The following STAT1 variants were observed in gnomAD, a reference collection of about 807,000 sequenced individuals.
STAT1 encodes signal transducer and activator of transcription 1.
In STAT1, 24 loss-of-function variants were observed where a neutral mutation model predicts 111.7. That is an observed-to-expected ratio of 0.21 (90% CI 0.16 to 0.30). STAT1 has a LOEUF of 0.30. STAT1 is among the 10% of genes least tolerant of loss of function. STAT1 has a pLI of 1.00. For synonymous variants in STAT1, 332 were observed against 326.5 expected (o/e 1.02, Z -0.18); for missense variants, 351 against 911.9 (o/e 0.38, Z 7.92).
chr2:191,008,833 A>G, intron 4 of STAT1, 130 bp downstream of exon 4: 1 of 933,664 alleles, frequency 1.1e-6, no homozygotes, highest in African/African-American at 1.7e-5. Context: ...TAGAAAACAT[A>G]AATGGAGTTA....
Position 191,012,766 on chromosome 2 carries a change from T to G in STAT1, c.-2+759A>C, listed in dbSNP as rs760073344. On this transcript the variant is annotated intron_variant, in intron 2 of 24. Transcript: ENST00000361099. The surrounding 1 kb of genome is among the most constrained non-coding windows in gnomAD (Gnocchi z 4.0). ...ACCAAATCATTTACTGTTTTTCAAC[T>G]GTGCCCAACATTTCTGCTTTGCTCC... Among the ~76,000 whole-genome samples, 3 of 152,268 alleles carry G rather than the reference T, an allele frequency of 2.0e-5. No homozygotes were observed. The highest frequency in any genetic ancestry group is 1.3e-4 in the Admixed American group (2 of 15,292).
In STAT1 at chr2:190,982,666, T is replaced by C. The variant is rs1250151390; in HGVS notation, c.1447-148A>G. ...AGTAGGGGAAGAGAAATACAGTCAATTTTCATTATTTACAGATGCACATTT... is the reference window on the plus strand; with the variant it reads ...AGTAGGGGAAGAGAAATACAGTCAACTTTCATTATTTACAGATGCACATTT... On this transcript the variant is annotated intron_variant, in intron 17 of 24. Coordinates refer to ENST00000361099, the MANE Select transcript of STAT1 (RefSeq NM_007315.4). This position sits in a 1 kb window ranked among gnomAD's most constrained non-coding sequence, Gnocchi z 7.3. 3.5e-6 allele frequency: 3 copies of C among 855,590 alleles called. No individual in the cohort carries two copies. The highest frequency in any genetic ancestry group is 5.6e-6 in the Non-Finnish European group (3 of 534,382). The allele number at this position is 855,590 out of a possible 1,614,324, so 53.0% of individuals were successfully genotyped here.
At position 190,984,177 on chromosome 2, in the gene STAT1, T is replaced by C. The variant is rs1692602452; in HGVS notation, c.1347+133A>G. The C allele has an allele frequency of 1.3e-6, 1 of 756,538 alleles. No individual in the cohort carries two copies. The highest frequency in any genetic ancestry group is 2.3e-6 in the Non-Finnish European group (1 of 439,234). 46.9% of individuals were successfully genotyped at this position (756,538 alleles called of 1,614,324 possible). ...GGACCATAAATTAAGGTTAAGATAG[T>C]ATTAGCTGAAAAAGATCATTTTAAA... On this transcript the variant is annotated intron_variant, in intron 16 of 24. Coordinates refer to ENST00000361099, the MANE Select transcript of STAT1 (RefSeq NM_007315.4). The surrounding 1 kb of genome is among the most constrained non-coding windows in gnomAD (Gnocchi z 5.2).
chr2:190,976,759 G>T lies in STAT1; in HGVS notation c.2059+81C>A. 2.4e-6 allele frequency: 3 copies of T among 1,260,780 alleles called. No individual in the cohort carries two copies. The highest frequency in any genetic ancestry group is 1.5e-5 in the African/African-American group (1 of 68,044). 78.1% of individuals were successfully genotyped at this position (1,260,780 alleles called of 1,614,324 possible). ...CTTACCAATTCGAAAGCAAAACACT[G>T]CATGGGTGGAGTTTCAGAATAATCA... On this transcript the variant is annotated intron_variant, in intron 22 of 24. Transcript: ENST00000361099. The surrounding 1 kb of genome is among the most constrained non-coding windows in gnomAD (Gnocchi z 6.0).
chr2:190,975,444 A>G lies in STAT1; in HGVS notation c.2135+368T>C. ...CCAAAATTTTTTCTACCTTTTATAA[A>G]ATGAAACAACAAAATCAAAGCAAGT... On this transcript the variant is annotated intron_variant, in intron 23 of 24. Transcript: ENST00000361099. The surrounding 1 kb of genome is among the most constrained non-coding windows in gnomAD (Gnocchi z 5.9). 1 of 873,250 alleles carries G rather than the reference A, an allele frequency of 1.1e-6. No homozygotes were observed. The allele number at this position is 873,250 out of a possible 1,614,324, so 54.1% of individuals were successfully genotyped here.
rs1691502961 is a variant in STAT1 at position 190,971,859 on chromosome 2, C to T, written c.2239-1142G>A. Among the ~76,000 whole-genome samples, 1 of 152,106 alleles carries T rather than the reference C, an allele frequency of 6.6e-6. No homozygotes were observed. Among genetic ancestry groups the T allele is most frequent in the East Asian group, 1.9e-4 (1 of 5,176 alleles). ...CCCCTAGTAGCTGGGATTACAGGCA[C>T]ACACCACCATGGCTGGCTAATTTTT... is the stretch of plus-strand genomic sequence containing the variant. On this transcript the variant is annotated intron_variant, in intron 24 of 24. Transcript: ENST00000361099. This position sits in a 1 kb window ranked among gnomAD's most constrained non-coding sequence, Gnocchi z 4.1.
In STAT1 at chr2:190,975,724, G is replaced by A; in HGVS notation, c.2135+88C>T. 3 of 1,579,328 alleles carry A rather than the reference G, an allele frequency of 1.9e-6. No homozygotes were observed. In the South Asian group the frequency reaches 3.4e-5, roughly 18 times the overall value. ...TGGCGATAGCAATTACAATGGAAAAGTAAAATACAAGCATCTTCAACAGGC... is the reference window on the plus strand; with the variant it reads ...TGGCGATAGCAATTACAATGGAAAAATAAAATACAAGCATCTTCAACAGGC... On this transcript the variant is annotated intron_variant, in intron 23 of 24. Transcript: ENST00000361099. This position sits in a 1 kb window ranked among gnomAD's most constrained non-coding sequence, Gnocchi z 5.9.
chr2:190,983,176 G>A lies in STAT1; in HGVS notation c.1446+466C>T, dbSNP rs984038744. Among the ~76,000 whole-genome samples, 7 of 152,134 alleles carry A rather than the reference G, an allele frequency of 4.6e-5. No individual in the cohort carries two copies. Among genetic ancestry groups the A allele is most frequent in the African/African-American group, 1.2e-4 (5 of 41,428 alleles). ...ACATAAACAATGTTATGCATTGATG[G>A]GTTGACAAAAATGTTGTGACCAGAG... On this transcript the variant is annotated intron_variant, in intron 17 of 24. Coordinates refer to ENST00000361099, the MANE Select transcript of STAT1 (RefSeq NM_007315.4). The surrounding 1 kb of genome is among the most constrained non-coding windows in gnomAD (Gnocchi z 5.7).
rs1299653585 is a variant in STAT1, at chr2:190,989,999, T to C, written c.1038-325A>G. On this transcript the variant is annotated intron_variant, in intron 11 of 24. Transcript: ENST00000361099. This position sits in a 1 kb window ranked among gnomAD's most constrained non-coding sequence, Gnocchi z 5.0. ...GCCAATATTCAGTTTCATCACAATT[T>C]CGACCTTTGGCCAATTTATATGGGT... Among the ~76,000 whole-genome samples the C allele has an allele frequency of 1.3e-5, 2 of 152,244 alleles. No individual in the cohort carries two copies. Among genetic ancestry groups the C allele is most frequent in the African/African-American group, 4.8e-5 (2 of 41,474 alleles).
In STAT1 at chr2:190,975,935, C is replaced by G; in HGVS notation, c.2060-48G>C. ...CGCTTTCCATCAACCGAAATTCCAT[C>G]AGAATACAACATCAACTTTTCGGGG... On this transcript the variant is annotated intron_variant, in intron 22 of 24. Coordinates refer to ENST00000361099, the MANE Select transcript of STAT1 (RefSeq NM_007315.4). This position sits in a 1 kb window ranked among gnomAD's most constrained non-coding sequence, Gnocchi z 5.9. 1 of 1,485,240 alleles carries G rather than the reference C, an allele frequency of 6.7e-7. No homozygotes were observed. Among genetic ancestry groups the G allele is most frequent in the South Asian group, 1.1e-5 (1 of 88,052 alleles). 92.0% of individuals were successfully genotyped at this position (1,485,240 alleles called of 1,614,324 possible).
rs1284806923 is a variant in STAT1, at chr2:190,997,849, A to AGT, written c.785+6_785+7insAC. 25 of 1,614,054 alleles carry AGT rather than the reference A, an allele frequency of 1.5e-5. No homozygotes were observed. Among genetic ancestry groups the AGT allele is most frequent in the Non-Finnish European group, 1.6e-5 (19 of 1,180,040 alleles). On this transcript the variant is annotated splice_region_variant and intron_variant, in intron 9 of 24. Coordinates refer to ENST00000361099, the MANE Select transcript of STAT1 (RefSeq NM_007315.4). This position sits in a 1 kb window ranked among gnomAD's most constrained non-coding sequence, Gnocchi z 7.3. ...AGCTGCCAGTTTTCTGCTTTGGAGAATCTTACCAGTTCTGCAGCTGATCCA... is the reference window on the plus strand; with the variant it reads ...AGCTGCCAGTTTTCTGCTTTGGAGAAGTTCTTACCAGTTCTGCAGCTGATCCA...
In STAT1 at chr2:190,978,784, C is replaced by A; in HGVS notation, c.1873+72G>T. 1 of 1,581,130 alleles carries A rather than the reference C, an allele frequency of 6.3e-7. No homozygotes were observed. The highest frequency in any genetic ancestry group is 1.1e-5 in the South Asian group (1 of 87,440). On this transcript the variant is annotated intron_variant, in intron 21 of 24. Transcript: ENST00000361099. The surrounding 1 kb of genome is among the most constrained non-coding windows in gnomAD (Gnocchi z 6.1). ...GTCCCAAACGCACTATCTGTATGAGCTGACTGGCGGCGATGAAGAGGGACT... is the reference window on the plus strand; with the variant it reads ...GTCCCAAACGCACTATCTGTATGAGATGACTGGCGGCGATGAAGAGGGACT...
intron 11 of STAT1, among the ~76,000 whole-genome samples, 177 bp downstream of exon 11, chr2:190,991,051 C>A (rs976174214): frequency 1.3e-5 from 2 of 152,156 alleles, no homozygotes; most frequent in African/African-American, 4.8e-5. Context: ...AGTTACATTT[C>A]TACTATGAAT....
chr2:190,997,366 CT>C lies in STAT1; in HGVS notation c.785+489del, dbSNP rs1693934427. 6.6e-6 allele frequency among the ~76,000 whole-genome samples: 1 copy of C among 152,220 alleles called. No individual in the cohort carries two copies. The highest frequency in any genetic ancestry group is 2.4e-5 in the African/African-American group (1 of 41,458). ...ATTATTACCATGTCTACATCCCCCCCTCCACACTGAGAACTCCTTGTTGGCA... is the reference window on the plus strand; with the variant it reads ...ATTATTACCATGTCTACATCCCCCCCCCACACTGAGAACTCCTTGTTGGCA... On this transcript the variant is annotated intron_variant, in intron 9 of 24. Coordinates refer to ENST00000361099, the MANE Select transcript of STAT1 (RefSeq NM_007315.4). The surrounding 1 kb of genome is among the most constrained non-coding windows in gnomAD (Gnocchi z 7.3).
chr2:191,008,733 A>G (rs1694897342), intron 4 of STAT1, among the ~76,000 whole-genome samples: 1 of 152,234 alleles, frequency 6.6e-6, no homozygotes, highest in Non-Finnish European at 1.5e-5. Flanking sequence ...CTGATACCTA[A>G]GAGGTGATAC....
rs1045025459 is a variant in STAT1, at chr2:190,995,966, C to A, written c.786-747G>T. ...AGGTGATGCAAGAGGCAGCAAAGAG[C>A]CACTGCAGGTTCTGTCAAGAGAGTG... On this transcript the variant is annotated intron_variant, in intron 9 of 24. Transcript: ENST00000361099. The surrounding 1 kb of genome is among the most constrained non-coding windows in gnomAD (Gnocchi z 4.2). 6.6e-6 allele frequency among the ~76,000 whole-genome samples: 1 copy of A among 152,102 alleles called. No homozygotes were observed. Among genetic ancestry groups the A allele is most frequent in the African/African-American group, 2.4e-5 (1 of 41,418 alleles).
rs755608463 is a variant in STAT1 at position 190,986,869 on chromosome 2, A to G, written c.1206T>C (p.Ala402=). 3.1e-6 allele frequency: 5 copies of G among 1,614,224 alleles called. No individual in the cohort carries two copies. Among genetic ancestry groups the G allele is most frequent in the Non-Finnish European group, 2.5e-6 (3 of 1,180,036 alleles). ...ATGTCCCTACCAGGTGCCGAAATTC[A>G]GCCGCCAGACTGCCATTGGTGGACT... is the stretch of plus-strand genomic sequence containing the variant. The part of the protein sequence containing the change: ...MEESTNGSLA[A]EFRHLQLKEQ... Residue 402 remains alanine (A), a synonymous_variant, in exon 14 of 25, where the codon GCT becomes GCC. Coordinates refer to ENST00000361099, the MANE Select transcript of STAT1 (RefSeq NM_007315.4). The surrounding 1 kb of genome is among the most constrained non-coding windows in gnomAD (Gnocchi z 5.0).
In STAT1 at chr2:190,993,429, C is replaced by A. The variant is rs45521534; in HGVS notation, c.944+1632G>T. 5.4e-5 allele frequency: 76 copies of A among 1,408,434 alleles called. 1 individual carries two copies. The Admixed American group carries it at 1.4e-3, about 27-fold the overall frequency. The allele number at this position is 1,408,434 out of a possible 1,614,324, so 87.2% of individuals were successfully genotyped here. A position where few individuals can be genotyped will look rare whatever the true frequency, so the allele number is the denominator to read the frequency against. ...AACTCTATAGTTCTTATTTTGAAAT[C>A]CATACCAATTGTGCTGATGTAGCTT... On this transcript the variant is annotated intron_variant, in intron 10 of 24. Coordinates refer to ENST00000361099, the MANE Select transcript of STAT1 (RefSeq NM_007315.4). The surrounding 1 kb of genome is among the most constrained non-coding windows in gnomAD (Gnocchi z 4.1).
rs1019758387 is a variant in STAT1, at chr2:191,000,721, G to C, written c.462+353C>G. Among the ~76,000 whole-genome samples the C allele has an allele frequency of 2.0e-5, 3 of 152,158 alleles. No homozygotes were observed. Among genetic ancestry groups the C allele is most frequent in the African/African-American group, 7.2e-5 (3 of 41,414 alleles). ...TAAAACAGATGACTGGGAAGGATGGGCCATGTTTATCCTGGGGCACTGTGA... is the reference window on the plus strand; with the variant it reads ...TAAAACAGATGACTGGGAAGGATGGCCCATGTTTATCCTGGGGCACTGTGA... On this transcript the variant is annotated intron_variant, in intron 6 of 24. Coordinates refer to ENST00000361099, the MANE Select transcript of STAT1 (RefSeq NM_007315.4). The surrounding 1 kb of genome is among the most constrained non-coding windows in gnomAD (Gnocchi z 4.8).
Sources: gnomAD v4.1 joint callset for allele counts (sites outside exome capture counted in the v4.1 genomes callset) on GRCh38, gnomAD v4.1.1 for gene constraint, Gnocchi (gnomAD v3.1) non-coding constraint, MANE v1.5 for transcripts, NCBI Gene and HGNC (gene_info 2026-07-23, HGNC 2026-07-21) for gene names.